The following PGCKA1 variants were observed in gnomAD, a reference collection of about 807,000 sequenced individuals.
The protein encoded by PGCKA1 is PDCD10 and GCKIII kinases associated 1.
the PGCKA1 span, among the ~76,000 whole-genome samples, chr4:37,524,500 G>A: frequency 6.6e-5 from 10 of 152,328 alleles, no homozygotes; most frequent in Admixed American, 2.0e-4. Context: ...GGGGAGCAAC[G>A]GGAGAGACCC....
the PGCKA1 span, among the ~76,000 whole-genome samples, chr4:37,464,964 T>A: frequency 2.0e-5 from 3 of 152,160 alleles, no homozygotes; most frequent in Non-Finnish European, 4.4e-5. Context: ...GATCACAGTA[T>A]AAGTAGGGAG....
At chr4:37,525,719 G>T in the PGCKA1 span, among the ~76,000 whole-genome samples, 1 of 152,134 alleles carries the variant, frequency 6.6e-6, no homozygotes, top group Non-Finnish European at 1.5e-5. Context: ...GACCAATCCA[G>T]CCTCAGGCAG....
chr4:37,501,263 G>A, the PGCKA1 span, among the ~76,000 whole-genome samples: 7 of 152,186 alleles, frequency 4.6e-5, no homozygotes, highest in East Asian at 1.9e-4. Flanking sequence ...GTTAGGAACC[G>A]GGCCACACAG....
chr4:37,463,972 T>C, the PGCKA1 span, among the ~76,000 whole-genome samples: 4 of 152,152 alleles, frequency 2.6e-5, no homozygotes, highest in Non-Finnish European at 5.9e-5. Flanking sequence ...GGTCCCCTAA[T>C]GGCAGGTATG....
At chr4:37,569,105 A>G in the PGCKA1 span, among the ~76,000 whole-genome samples, 21 of 151,996 alleles carry the variant, frequency 1.4e-4, no homozygotes, top group African/African-American at 2.9e-4. Context: ...TCAAAAAAAA[A>G]GGGGGGGAGA....
the PGCKA1 span, among the ~76,000 whole-genome samples, chr4:37,573,999 C>G: frequency 6.6e-6 from 1 of 152,062 alleles, no homozygotes; most frequent in Non-Finnish European, 1.5e-5. Flanking sequence ...ACCAGCCTGG[C>G]CAAGATGGTG....
At chr4:37,550,871 G>A in the PGCKA1 span, among the ~76,000 whole-genome samples, 13 of 152,010 alleles carry the variant, frequency 8.6e-5, no homozygotes, top group Non-Finnish European at 1.6e-4. Context: ...ATGAATTACC[G>A]GCCCAAAAGA....
chr4:37,561,664 A>T, the PGCKA1 span, among the ~76,000 whole-genome samples: 1 of 152,246 alleles, frequency 6.6e-6, no homozygotes, highest in African/African-American at 2.4e-5. Flanking sequence ...TGCAGTCGAC[A>T]ATCATAATTC....
chr4:37,591,779 A>G, the PGCKA1 span: 1 of 152,242 alleles, frequency 6.6e-6, no homozygotes, highest in Non-Finnish European at 1.5e-5. Context: ...CATATATGCA[A>G]TGTTTTTATG....
At chr4:37,527,546 A>G in the PGCKA1 span, among the ~76,000 whole-genome samples, 88,659 of 151,740 alleles carry the variant, frequency 0.58, 26,420 homozygotes, top group South Asian at 0.68. Flanking sequence ...TGAGCCGGGC[A>G]TTGTGGCTCA....
chr4:37,497,572 T>C, the PGCKA1 span, among the ~76,000 whole-genome samples: 1 of 152,206 alleles, frequency 6.6e-6, no homozygotes, highest in African/African-American at 2.4e-5. Context: ...TTGTAGCCAT[T>C]CTTGCAGGAG....
the PGCKA1 span, among the ~76,000 whole-genome samples, chr4:37,490,323 C>T: frequency 2.0e-5 from 3 of 152,042 alleles, no homozygotes; most frequent in Non-Finnish European, 4.4e-5. Context: ...TTAATCAACC[C>T]GGCATTTTTC....
At chr4:37,518,400 G>C in the PGCKA1 span, among the ~76,000 whole-genome samples, 1 of 152,118 alleles carries the variant, frequency 6.6e-6, no homozygotes, top group Non-Finnish European at 1.5e-5. Context: ...AGTGTATGCA[G>C]GTTCCCTTTT....
chr4:37,572,048 CTT>C, the PGCKA1 span, among the ~76,000 whole-genome samples: 814 of 111,634 alleles, frequency 7.3e-3, 4 homozygotes, highest in Non-Finnish European at 7.9e-3. Context: ...AACTTCACAC[CTT>C]TTTTTTTTTT....
chr4:37,574,641 A>G, the PGCKA1 span, among the ~76,000 whole-genome samples: 1 of 152,198 alleles, frequency 6.6e-6, no homozygotes, highest in South Asian at 2.1e-4. Context: ...TAAATGTACA[A>G]TTAAATACTT....
At chr4:37,495,399 T>C in the PGCKA1 span, among the ~76,000 whole-genome samples, 5 of 152,152 alleles carry the variant, frequency 3.3e-5, no homozygotes, top group South Asian at 2.1e-4. Context: ...ACCCAAAGGA[T>C]TATAAATCAT....
chr4:37,521,919 C>G, the PGCKA1 span, among the ~76,000 whole-genome samples: 1 of 152,134 alleles, frequency 6.6e-6, no homozygotes. Context: ...ATCAAATTGA[C>G]CCCTTTATCT....
At chr4:37,486,238 G>A in the PGCKA1 span, among the ~76,000 whole-genome samples, 5 of 152,138 alleles carry the variant, frequency 3.3e-5, no homozygotes, top group African/African-American at 1.2e-4. Flanking sequence ...ACTCTTAGGT[G>A]AAGATTTTTT....
At chr4:37,570,900 T>C in the PGCKA1 span, among the ~76,000 whole-genome samples, 1 of 152,226 alleles carries the variant, frequency 6.6e-6, no homozygotes, top group African/African-American at 2.4e-5. Context: ...GTCTCTCCCA[T>C]TTCTCCGAGC....
Sources: allele counts gnomAD v4.1 joint callset (sites outside exome capture counted in the v4.1 genomes callset), GRCh38; gene constraint gnomAD v4.1.1; transcripts MANE v1.5; gene names NCBI Gene and HGNC (gene_info 2026-07-23, HGNC 2026-07-21).